The following PDE11A variants were observed in gnomAD, a reference collection of about 807,000 sequenced individuals.
PDE11A encodes dual 3',5'-cyclic-AMP and -GMP phosphodiesterase 11A.
In PDE11A, 100 loss-of-function variants were observed where a neutral mutation model predicts 100.5. That is an observed-to-expected ratio of 1.00 (90% CI 0.85 to 1.18). PDE11A has a LOEUF of 1.18. Ranked by LOEUF, PDE11A falls within the 50% of genes most tolerant of loss-of-function variation. PDE11A has a pLI of 0.00. For missense variants in PDE11A, 1,141 were observed against 1,152.6 expected, an observed-to-expected ratio of 0.99 and a Z score of 0.15; for synonymous variants, 381 against 420.8, an observed-to-expected ratio of 0.91 and a Z score of 1.16.
chr2:178,032,097 T>C (rs1008691233), intron 1 of PDE11A, among the ~76,000 whole-genome samples: 1 of 152,184 alleles, frequency 6.6e-6, no homozygotes, highest in African/African-American at 2.4e-5. Flanking sequence ...TCTCAATAAA[T>C]GACCCTAGGT....
At chr2:177,773,796 G>A (rs762190980) in intron 9 of PDE11A, among the ~76,000 whole-genome samples, 1 of 152,162 alleles carries the variant, frequency 6.6e-6, no homozygotes, top group Non-Finnish European at 1.5e-5. Flanking sequence ...GGAATCATCG[G>A]CTAATAGGAG....
At chr2:177,856,891 T>C (rs908168195) in intron 5 of PDE11A, among the ~76,000 whole-genome samples, 6 of 151,922 alleles carry the variant, frequency 3.9e-5, no homozygotes, top group African/African-American at 1.4e-4. Context: ...TTTGAAGAAA[T>C]AATGGTTGAA....
chr2:177,846,850 A>G (rs2083609373), intron 5 of PDE11A, among the ~76,000 whole-genome samples: 1 of 152,174 alleles, frequency 6.6e-6, no homozygotes, highest in Admixed American at 6.5e-5. Context: ...TCTCAAATGG[A>G]GCACCATCAG....
At chr2:177,658,603 AC>A (rs889672638) in intron 19 of PDE11A, among the ~76,000 whole-genome samples, 2 of 151,186 alleles carry the variant, frequency 1.3e-5, no homozygotes, top group Non-Finnish European at 1.5e-5. Flanking sequence ...CCATATATAT[AC>A]CCCCTTTGTA....
intron 5 of PDE11A, among the ~76,000 whole-genome samples, chr2:177,865,505 T>C (rs543914198): frequency 3.1e-4 from 47 of 152,290 alleles, no homozygotes; most frequent in African/African-American, 1.1e-3. Flanking sequence ...AATCCACTTC[T>C]AGGCCTATAC....
At chr2:178,026,319 G>A (rs1342308495) in intron 1 of PDE11A, among the ~76,000 whole-genome samples, 1 of 152,128 alleles carries the variant, frequency 6.6e-6, no homozygotes, top group Non-Finnish European at 1.5e-5. Flanking sequence ...AGGTTTTATT[G>A]TTAATATGCA....
At chr2:177,780,999 A>AT (rs1389705857) in intron 9 of PDE11A, among the ~76,000 whole-genome samples, 3 of 152,226 alleles carry the variant, frequency 2.0e-5, no homozygotes, top group African/African-American at 4.8e-5. Flanking sequence ...GTTGTTTGGC[A>AT]TAAGAGGCCT....
At chr2:177,951,900 GA>G (rs990876327) in intron 2 of PDE11A, among the ~76,000 whole-genome samples, 79 of 152,110 alleles carry the variant, frequency 5.2e-4, no homozygotes, top group Admixed American at 3.7e-3. Flanking sequence ...TTGTTTAGGG[GA>G]AAAAAAGGCA....
At chr2:177,817,713 A>C (rs1185975628) in intron 8 of PDE11A, 145 bp downstream of exon 8, 1 of 620,424 alleles carries the variant, frequency 1.6e-6, no homozygotes, top group East Asian at 2.9e-5. Flanking sequence ...AAGCATTTAC[A>C]TATTCCTTAA....
chr2:177,682,685 C>T (rs1574039872), intron 15 of PDE11A, among the ~76,000 whole-genome samples: 1 of 152,322 alleles, frequency 6.6e-6, no homozygotes, highest in East Asian at 1.9e-4. Context: ...TCCCAAAACG[C>T]ATCTCTCAAA....
At chr2:177,789,968 G>A (rs543703122) in intron 9 of PDE11A, among the ~76,000 whole-genome samples, 3,207 of 151,298 alleles carry the variant, frequency 0.021, 102 homozygotes, top group African/African-American at 0.074. Flanking sequence ...TACTGCCCAA[G>A]GTAATTTATA....
chr2:177,834,338 C>G (rs749312224), intron 6 of PDE11A, among the ~76,000 whole-genome samples: 22 of 152,236 alleles, frequency 1.4e-4, no homozygotes, highest in Non-Finnish European at 2.8e-4. Context: ...GCAGAGGAAA[C>G]TGCCCCCTTC....
chr2:177,779,962 A>G lies in PDE11A; in HGVS notation c.1738-10589T>C, dbSNP rs145987610. 6.7e-3 allele frequency among the ~76,000 whole-genome samples: 1,024 copies of G among 152,326 alleles called. 17 individuals carry two copies. Among genetic ancestry groups the G allele is most frequent in the African/African-American group, 0.023 (959 of 41,582 alleles). On this transcript the variant is annotated intron_variant, in intron 9 of 19. Transcript: ENST00000286063. Reference sequence around the variant, plus strand: ...TTACAAAATGTATTTCTTAAATAATAAGACTTGAAAGTAGAAATTACTCTT... The same window carrying G: ...TTACAAAATGTATTTCTTAAATAATGAGACTTGAAAGTAGAAATTACTCTT...
At chr2:177,631,298 A>AC (rs140397478) in intron 19 of PDE11A, among the ~76,000 whole-genome samples, 94,475 of 128,470 alleles carry the variant, frequency 0.74, 37,237 homozygotes, top group East Asian at 0.88. Flanking sequence ...ATGCAAAAAA[A>AC]AAAAAAAAAA....
At chr2:177,714,142 C>T (rs944948402) in intron 12 of PDE11A, among the ~76,000 whole-genome samples, 76 of 151,624 alleles carry the variant, frequency 5.0e-4, no homozygotes, top group African/African-American at 1.8e-3. Flanking sequence ...TACAGGTGCC[C>T]GCCACCACGC....
At chr2:178,036,530 T>G (rs1559049838) in intron 1 of PDE11A, among the ~76,000 whole-genome samples, 1 of 152,060 alleles carries the variant, frequency 6.6e-6, no homozygotes, top group Non-Finnish European at 1.5e-5. Context: ...TACTTTAAAT[T>G]TCATATGGAA....
intron 5 of PDE11A, among the ~76,000 whole-genome samples, chr2:177,874,395 A>T (rs1473264667): frequency 6.6e-6 from 1 of 152,196 alleles, no homozygotes; most frequent in Admixed American, 6.5e-5. Context: ...CATCATTGTC[A>T]TCATCATCAT....
At chr2:178,021,879 A>T (rs1217628907) in intron 1 of PDE11A, among the ~76,000 whole-genome samples, 2 of 152,206 alleles carry the variant, frequency 1.3e-5, no homozygotes, top group African/African-American at 4.8e-5. Flanking sequence ...ACGCTGGTTA[A>T]TTTGAGGAAT....
chr2:177,830,468 G>C (rs1259936045), intron 6 of PDE11A, among the ~76,000 whole-genome samples: 1 of 151,992 alleles, frequency 6.6e-6, no homozygotes, highest in African/African-American at 2.4e-5. Context: ...AGCCATGGTG[G>C]TGTGCACCTG....
Sources: gnomAD v4.1 joint callset for allele counts (sites outside exome capture counted in the v4.1 genomes callset) on GRCh38, gnomAD v4.1.1 for gene constraint, MANE v1.5 for transcripts, NCBI Gene and HGNC (gene_info 2026-07-23, HGNC 2026-07-21) for gene names.